TPRG1: variants seen among roughly 807,000 people sequenced by gnomAD.
TPRG1 encodes the protein tumor protein p63 regulated 1.
TPRG1 carries 29 observed loss-of-function variants against 29.3 expected under a neutral mutation model. The ratio of observed to expected loss-of-function variants is 0.99; its 90% CI spans 0.74 to 1.35. TPRG1 has a LOEUF of 1.35. TPRG1 is among the 40% of genes most tolerant of loss of function. The pLI is 0.00. For synonymous variants in TPRG1, 130 were observed against 116.8 expected (o/e 1.11, Z -0.73); for missense variants, 327 against 335.0 (o/e 0.98, Z 0.19).
At chr3:189,090,236 C>T (rs963031163) in intron 4 of TPRG1, among the ~76,000 whole-genome samples, 1 of 152,002 alleles carries the variant, frequency 6.6e-6, no homozygotes, top group Non-Finnish European at 1.5e-5. Flanking sequence ...TGGATTTTGA[C>T]CACAATTATT....
chr3:189,055,476 G>A (rs539452447), intron 4 of TPRG1, among the ~76,000 whole-genome samples: 10 of 152,308 alleles, frequency 6.6e-5, no homozygotes, highest in East Asian at 1.9e-4. Flanking sequence ...TTTGGGAAGC[G>A]TGTAGGTAGT....
At chr3:189,191,029 G>A (rs1049461238) in intron 1 of TPRG1, 1 of 981,052 alleles carries the variant, frequency 1.0e-6, no homozygotes, top group African/African-American at 1.8e-5. Context: ...GTCTATTCTG[G>A]CTAATTTTGG....
chr3:189,207,202 A>T, intron 1 of TPRG1, 174 bp from the exon 2 acceptor site: 4 of 981,334 alleles, frequency 4.1e-6, no homozygotes, highest in Non-Finnish European at 4.8e-6. Flanking sequence ...TGTGGATGGT[A>T]TTTAGAAGTC....
chr3:189,086,673 A>G (rs1417796659), intron 4 of TPRG1, among the ~76,000 whole-genome samples: 3 of 151,990 alleles, frequency 2.0e-5, no homozygotes, highest in Admixed American at 6.6e-5. Context: ...GATTACAGGC[A>G]TGTGCCACCA....
intron 4 of TPRG1, among the ~76,000 whole-genome samples, chr3:189,056,327 C>G (rs779657805): frequency 4.6e-5 from 7 of 152,000 alleles, no homozygotes; most frequent in Non-Finnish European, 1.0e-4. Context: ...AACTCCTGAC[C>G]TCAAGTGACC....
chr3:189,053,139 T>C (rs1715437010), intron 4 of TPRG1, among the ~76,000 whole-genome samples: 1 of 152,330 alleles, frequency 6.6e-6, no homozygotes, highest in East Asian at 1.9e-4. Context: ...CTTAGCTAAA[T>C]CTTCTGAATA....
At chr3:189,012,623 C>T (rs1355721986) in intron 3 of TPRG1, among the ~76,000 whole-genome samples, 1 of 152,060 alleles carries the variant, frequency 6.6e-6, no homozygotes, top group African/African-American at 2.4e-5. Context: ...TCTGCCTGGT[C>T]CTGGACTTTT....
chr3:189,268,720 C>T (rs1714557970), intron 4 of TPRG1, among the ~76,000 whole-genome samples: 1 of 152,172 alleles, frequency 6.6e-6, no homozygotes, highest in South Asian at 2.1e-4. Flanking sequence ...TAGTCTTTAG[C>T]GTCGTAATAG....
At chr3:189,119,007 G>A (rs1721514034) in intron 1 of TPRG1, among the ~76,000 whole-genome samples, 2 of 152,352 alleles carry the variant, frequency 1.3e-5, no homozygotes, top group Admixed American at 6.5e-5. Context: ...AGCTTGCACT[G>A]TGTGCCTGGA....
At chr3:189,073,775 A>G (rs1231198294) in intron 4 of TPRG1, among the ~76,000 whole-genome samples, 1 of 152,140 alleles carries the variant, frequency 6.6e-6, no homozygotes, top group Non-Finnish European at 1.5e-5. Context: ...TTTAGGAAAA[A>G]TGACTTTTTT....
chr3:189,223,360 G>T (rs573294075), intron 3 of TPRG1, among the ~76,000 whole-genome samples: 2 of 152,358 alleles, frequency 1.3e-5, no homozygotes, highest in East Asian at 3.9e-4. Context: ...CTATCAAGAT[G>T]TTAATGACCT....
At chr3:189,129,423 T>G (rs892992407) in intron 2 of TPRG1, among the ~76,000 whole-genome samples, 2 of 152,220 alleles carry the variant, frequency 1.3e-5, no homozygotes, top group Non-Finnish European at 2.9e-5. Flanking sequence ...TTGGTGACAT[T>G]AACCCTGATC....
At chr3:189,033,596 T>G in intron 4 of TPRG1, among the ~76,000 whole-genome samples, 1 of 151,932 alleles carries the variant, frequency 6.6e-6, no homozygotes. Flanking sequence ...CCTTTTTTTT[T>G]TTTGAGATGG....
At chr3:189,300,885 C>T (rs1720716570) in intron 4 of TPRG1, among the ~76,000 whole-genome samples, 1 of 152,160 alleles carries the variant, frequency 6.6e-6, no homozygotes, top group South Asian at 2.1e-4. Context: ...ATCTCTGGGT[C>T]AGAAATATCT....
intron 1 of TPRG1, among the ~76,000 whole-genome samples, chr3:189,106,728 A>G (rs1427559684): frequency 6.6e-6 from 1 of 152,158 alleles, no homozygotes; most frequent in African/African-American, 2.4e-5. Flanking sequence ...TTCTTTGCTT[A>G]CATTTGTATA....
chr3:189,312,213 C>CTTTCCT (rs1722801389), intron 5 of TPRG1, among the ~76,000 whole-genome samples: 1 of 86,726 alleles, frequency 1.2e-5, no homozygotes, highest in Non-Finnish European at 2.3e-5. Context: ...TTCTTTCTTT[C>CTTTCCT]TTTCTTAAGA....
chr3:189,071,387 T>TA, intron 4 of TPRG1, among the ~76,000 whole-genome samples: 1 of 152,116 alleles, frequency 6.6e-6, no homozygotes. Context: ...ATCCATTTTA[T>TA]ACTTAGTAGT....
At chr3:189,138,885 G>A (rs1422770971) in intron 3 of TPRG1, among the ~76,000 whole-genome samples, 1 of 152,138 alleles carries the variant, frequency 6.6e-6, no homozygotes, top group Admixed American at 6.5e-5. Context: ...GTCAGGGAGG[G>A]CTCTAGGTGA....
At chr3:189,293,575 C>T (rs1242164627) in intron 4 of TPRG1, among the ~76,000 whole-genome samples, 1 of 152,192 alleles carries the variant, frequency 6.6e-6, no homozygotes, top group Non-Finnish European at 1.5e-5. Context: ...CAAACTTGCA[C>T]TGACTGTTCT....
Sources: allele counts gnomAD v4.1 joint callset (sites outside exome capture counted in the v4.1 genomes callset), GRCh38; gene constraint gnomAD v4.1.1; transcripts MANE v1.5; gene names NCBI Gene and HGNC (gene_info 2026-07-23, HGNC 2026-07-21).